C21orf58: variants seen among roughly 807,000 people sequenced by gnomAD.
C21orf58 encodes uncharacterized protein C21orf58.
C21orf58 carries 34 observed loss-of-function variants against 35.8 expected under a neutral mutation model. That is an observed-to-expected ratio of 0.95 (90% CI 0.72 to 1.26). The LOEUF is 1.26. Ranked by LOEUF, C21orf58 falls within the 50% of genes most tolerant of loss-of-function variation. The pLI, the probability that C21orf58 is intolerant of heterozygous loss-of-function variation, is 0.00. For synonymous variants in C21orf58, 191 were observed against 175.8 expected (o/e 1.09, Z -0.68); for missense variants, 440 against 414.3 (o/e 1.06, Z -0.54).
chr21:46,302,473 G>A lies in C21orf58; in HGVS notation c.813+12C>T, dbSNP rs577256319. The A allele has an allele frequency of 9.4e-6, 15 of 1,592,992 alleles. No individual in the cohort carries two copies. In the South Asian group the frequency reaches 1.3e-4, roughly 14 times the overall value. ...TTCCTTGGCCTAGGGTTCTGCTGGG[G>A]GCTAAGCCTACCTGCAGGGCTGGGG... On this transcript the variant is annotated intron_variant, in intron 7 of 7. Coordinates refer to ENST00000291691, the MANE Select transcript of C21orf58 (RefSeq NM_058180.5).
intron 3 of C21orf58, 83 bp from the exon 4 acceptor site, chr21:46,315,630 A>G (rs574203343): frequency 3.3e-6 from 3 of 898,602 alleles, no homozygotes; most frequent in East Asian, 2.5e-5. Context: ...TACTGCACCC[A>G]TGTCGGAAGG....
rs1569115949 is a variant in C21orf58, at chr21:46,303,707, AAATATATATATATATATATATAT to A, written c.722-1154_722-1132del. ...ACACACACACACACACACACACACA[AAATATATATATATATATATATAT>A]ATATATATATATATATTTTTTTTTT... On this transcript the variant is annotated intron_variant, in intron 6 of 7. Coordinates refer to ENST00000291691, the MANE Select transcript of C21orf58 (RefSeq NM_058180.5). Among the ~76,000 whole-genome samples, 155 of 41,516 alleles carry A rather than the reference AAATATATATATATATATATATAT, an allele frequency of 3.7e-3. 6 individuals carry two copies. Among genetic ancestry groups the A allele is most frequent in the African/African-American group, 0.013 (149 of 11,332 alleles). 27.2% of individuals were successfully genotyped at this position (41,516 alleles called of 152,430 possible). A position where few individuals can be genotyped will look rare whatever the true frequency, so the allele number is the denominator to read the frequency against.
intron 6 of C21orf58, among the ~76,000 whole-genome samples, chr21:46,305,383 G>A (rs899420046): frequency 7.1e-6 from 1 of 140,070 alleles, no homozygotes; most frequent in Non-Finnish European, 1.5e-5. Context: ...AAGCTGGGAC[G>A]CCTTGGTGTG....
Position 46,315,562 on chromosome 21 carries a change from C to T in C21orf58, c.371-15G>A. 1 of 1,581,712 alleles carries T rather than the reference C, an allele frequency of 6.3e-7. No homozygotes were observed. Among genetic ancestry groups the T allele is most frequent in the Non-Finnish European group, 8.7e-7 (1 of 1,150,966 alleles). ...GTCCTCATTTCCTGGAGGGAAGAAC[C>T]TGCTTGCTTACCAAGGAACGCGTAG... is the stretch of plus-strand genomic sequence containing the variant. On this transcript the variant is annotated splice_polypyrimidine_tract_variant and intron_variant, in intron 3 of 7. Coordinates refer to ENST00000291691, the MANE Select transcript of C21orf58 (RefSeq NM_058180.5).
chr21:46,302,054 C>T lies in C21orf58; in HGVS notation c.914G>A (p.Gly305Glu), dbSNP rs2082126353. 2.6e-6 allele frequency: 4 copies of T among 1,528,582 alleles called. No individual in the cohort carries two copies. Among genetic ancestry groups the T allele is most frequent in the Non-Finnish European group, 2.6e-6 (3 of 1,137,650 alleles). 94.7% of individuals were successfully genotyped at this position (1,528,582 alleles called of 1,614,324 possible). ...HHHHHAVWPP[G>E]AATVLQPAPS... ...GGCGGGCTGGAGGACAGTGGCAGCC[C>T]CAGGTGGCCACACAGCATGGTGGTG... The change falls in exon 8 of 8, where the codon GGG (glycine) becomes GAG (glutamate). Residue 305 changes from glycine to glutamate, a missense_variant. Transcript: ENST00000291691.
intron 1 of C21orf58, 164 bp from the exon 2 acceptor site, chr21:46,318,384 C>A (rs1402028164): frequency 6.9e-7 from 1 of 1,441,780 alleles, no homozygotes; most frequent in Admixed American, 2.7e-5. Context: ...TACCGGTAAA[C>A]ACTCATCCCC....
chr21:46,317,376 G>A, intron 2 of C21orf58, 108 bp from the exon 3 acceptor site: 3 of 1,534,030 alleles, frequency 2.0e-6, no homozygotes, highest in Non-Finnish European at 2.6e-6. Flanking sequence ...TACGTCAGGA[G>A]TAACCCAGCC....
intron 7 of C21orf58, 93 bp from the exon 8 acceptor site, chr21:46,302,247 G>C: frequency 7.0e-7 from 1 of 1,431,926 alleles, no homozygotes; most frequent in Non-Finnish European, 9.1e-7. Flanking sequence ...GATCCCATGT[G>C]ATAGGCAGGA....
chr21:46,319,182 A>T (rs2083077827), intron 1 of C21orf58: 1 of 152,360 alleles, frequency 6.6e-6, no homozygotes, highest in Non-Finnish European at 1.5e-5. Flanking sequence ...AGCCCGTAGG[A>T]GGTCAGGCTC....
chr21:46,304,429 C>T (rs932575694), intron 6 of C21orf58, among the ~76,000 whole-genome samples: 9 of 150,690 alleles, frequency 6.0e-5, no homozygotes, highest in East Asian at 2.0e-4. Flanking sequence ...GAGGCTGCAG[C>T]GAGGTATGAT....
Position 46,322,891 on chromosome 21 carries a change from G to A in C21orf58, c.-153C>T, listed in dbSNP as rs1418672343. 15 of 503,644 alleles carry A rather than the reference G, an allele frequency of 3.0e-5. No homozygotes were observed. The highest frequency in any genetic ancestry group is 6.7e-5 in the East Asian group (2 of 29,844). The allele number at this position is 503,644 out of a possible 1,614,324, so 31.2% of individuals were successfully genotyped here. A position where few individuals can be genotyped will look rare whatever the true frequency, so the allele number is the denominator to read the frequency against. ...CGTCAGCGAGGAGCCACTCCAGCAC[G>A]CTCGGGAAGGGCATCGTTACTGCTG... On this transcript the variant is annotated 5_prime_UTR_variant, in exon 1 of 8. Transcript: ENST00000291691.
In C21orf58 at chr21:46,301,546, T is replaced by C; in HGVS notation, c.*453A>G. 1 of 987,928 alleles carries C rather than the reference T, an allele frequency of 1.0e-6. No individual in the cohort carries two copies. The highest frequency in any genetic ancestry group is 1.2e-6 in the Non-Finnish European group (1 of 831,688). 61.2% of individuals were successfully genotyped at this position (987,928 alleles called of 1,614,324 possible). On this transcript the variant is annotated 3_prime_UTR_variant, in exon 8 of 8. Coordinates refer to ENST00000291691, the MANE Select transcript of C21orf58 (RefSeq NM_058180.5). ...CCCCATCAGGATGTTCACACTTCCA[T>C]GTGGCTAAAGCTATTGATCTTTTCT...
intron 2 of C21orf58, among the ~76,000 whole-genome samples, chr21:46,317,511 T>C (rs2083017985): frequency 6.6e-6 from 1 of 152,168 alleles, no homozygotes; most frequent in Non-Finnish European, 1.5e-5. Flanking sequence ...CTCTGAGTGG[T>C]CCCTTCAGGC....
chr21:46,308,966 C>T (rs1198112075), intron 6 of C21orf58, among the ~76,000 whole-genome samples: 1 of 152,146 alleles, frequency 6.6e-6, no homozygotes, highest in East Asian at 1.9e-4. Flanking sequence ...GATGTGCCCC[C>T]GAACCTTGCA....
chr21:46,314,956 C>A (rs974865474), intron 4 of C21orf58, 76 bp from the exon 5 acceptor site: 4 of 1,550,338 alleles, frequency 2.6e-6, no homozygotes, highest in Non-Finnish European at 3.5e-6. Context: ...CAGCATCAGG[C>A]TCAGGCCAGC....
chr21:46,303,737 ATATATATATTTTTTTTTT>A lies in C21orf58; in HGVS notation c.722-1179_722-1162del, dbSNP rs1301165625. On this transcript the variant is annotated intron_variant, in intron 6 of 7. Coordinates refer to ENST00000291691, the MANE Select transcript of C21orf58 (RefSeq NM_058180.5). ...TATATATATATATATATATATATAT[ATATATATATTTTTTTTTT>A]TTTTTTTTTTTTTGGAGACAGAGTC... Among the ~76,000 whole-genome samples, 47 of 30,196 alleles carry A rather than the reference ATATATATATTTTTTTTTT, an allele frequency of 1.6e-3. 2 individuals are homozygous for A. The highest frequency in any genetic ancestry group is 4.4e-3 in the Admixed American group (10 of 2,260). 19.8% of individuals were successfully genotyped at this position (30,196 alleles called of 152,430 possible).
At chr21:46,318,442 G>C in intron 1 of C21orf58, 1 of 1,420,278 alleles carries the variant, frequency 7.0e-7, no homozygotes. Context: ...GTGGGCAGCA[G>C]CTGAGGCAGA....
At chr21:46,300,799 T>A (rs1475849065), downstream of C21orf58, 2 of 1,288,138 alleles carry the variant, frequency 1.6e-6, no homozygotes, top group Non-Finnish European at 2.0e-6. Context: ...TCTGTCCTAA[T>A]AGGGGGTGAA....
intron 6 of C21orf58, among the ~76,000 whole-genome samples, chr21:46,306,328 G>A (rs900785642): frequency 7.9e-5 from 12 of 151,708 alleles, no homozygotes; most frequent in South Asian, 6.3e-4. Context: ...GTGAAACCCC[G>A]TCTCAACTAA....
Sources: gnomAD v4.1 joint callset for allele counts (sites outside exome capture counted in the v4.1 genomes callset) on GRCh38, gnomAD v4.1.1 for gene constraint, MANE v1.5 for transcripts, NCBI Gene and HGNC (gene_info 2026-07-23, HGNC 2026-07-21) for gene names.